The following RUFY3 variants were observed in gnomAD, a reference collection of about 807,000 sequenced individuals.
RUFY3 encodes the protein protein RUFY3.
Under a neutral mutation model 84.0 loss-of-function variants are expected in RUFY3, and 34 were observed. The ratio of observed to expected loss-of-function variants is 0.40; its 90% CI spans 0.31 to 0.54. The LOEUF (loss-of-function observed/expected upper bound fraction) is 0.54. Among genes scored for constraint, RUFY3 ranks in the 20% least tolerant of loss-of-function variants. The probability of loss-of-function intolerance (pLI) is 0.39; values close to 1 mark genes in which losing one functional copy is unlikely to be tolerated. For synonymous variants in RUFY3, 242 were observed against 252.9 expected (o/e 0.96, Z 0.41); for missense variants, 507 against 736.8 (o/e 0.69, Z 3.61).
intron 9 of RUFY3, among the ~76,000 whole-genome samples, chr4:70,784,089 A>T (rs147438931): frequency 1.2e-4 from 19 of 152,316 alleles, no homozygotes; most frequent in Admixed American, 9.8e-4. Context: ...TGCTCAGAAT[A>T]ATTTTTTTAT....
At chr4:70,773,398 T>C in intron 5 of RUFY3, 113 bp from the exon 6 acceptor site, 1 of 664,282 alleles carries the variant, frequency 1.5e-6, no homozygotes, top group Non-Finnish European at 2.7e-6. Flanking sequence ...ATCGTAAATT[T>C]CTAGTAAGTG....
intron 1 of RUFY3, among the ~76,000 whole-genome samples, chr4:70,756,980 T>G (rs1163400574): frequency 6.6e-6 from 1 of 152,132 alleles, no homozygotes; most frequent in Non-Finnish European, 1.5e-5. Flanking sequence ...AAAAAAAATT[T>G]TTTTAATTAG....
Position 70,740,573 on chromosome 4 carries a change from A to T in RUFY3, c.178+17822A>T, listed in dbSNP as rs778856588. 7.9e-5 allele frequency among the ~76,000 whole-genome samples: 12 copies of T among 152,320 alleles called. No individual in the cohort carries two copies. In the East Asian group the frequency reaches 2.3e-3, roughly 29 times the overall value. ...AGAACAAAATGGGAATATTCCCTCT[A>T]TTGACTTTTGCAAGGTCACAGCAAG... is the stretch of plus-strand genomic sequence containing the variant. On this transcript the variant is annotated intron_variant, in intron 1 of 17. Coordinates refer to ENST00000381006, the MANE Select transcript of RUFY3 (RefSeq NM_001037442.4).
intron 10 of RUFY3, among the ~76,000 whole-genome samples, chr4:70,785,551 A>G (rs1729646904): frequency 6.6e-6 from 1 of 152,076 alleles, no homozygotes; most frequent in Admixed American, 6.6e-5. Flanking sequence ...AAATCGGGCC[A>G]GGCACAGTGG....
intron 1 of RUFY3, among the ~76,000 whole-genome samples, chr4:70,741,200 A>G (rs1037271481): frequency 6.6e-6 from 1 of 151,792 alleles, no homozygotes; most frequent in African/African-American, 2.4e-5. Context: ...AGTTTGCATC[A>G]TAATATTTGT....
chr4:70,779,700 A>G (rs1379444406), intron 8 of RUFY3, among the ~76,000 whole-genome samples: 1 of 150,268 alleles, frequency 6.7e-6, no homozygotes, highest in East Asian at 2.0e-4. Context: ...TCCCACCCTC[A>G]GCCTCCCAAG....
In RUFY3 at chr4:70,722,275, AG is replaced by A. The variant is rs1742390914; in HGVS notation, c.-296del. 3.2e-6 allele frequency: 4 copies of A among 1,233,264 alleles called. No homozygotes were observed. Among genetic ancestry groups the A allele is most frequent in the East Asian group, 6.3e-5 (2 of 31,874 alleles). The allele number at this position is 1,233,264 out of a possible 1,614,324, so 76.4% of individuals were successfully genotyped here. On this transcript the variant is annotated 5_prime_UTR_variant, in exon 1 of 18. Coordinates refer to ENST00000381006, the MANE Select transcript of RUFY3 (RefSeq NM_001037442.4). ...TCAGCTGAAAAAAAAGGTGGGGGGC[AG>A]GGAAGGGAAGATAAAAGGAGAGGAA...
chr4:70,785,852 A>G (rs56967387), intron 10 of RUFY3, among the ~76,000 whole-genome samples: 1,561 of 152,240 alleles, frequency 0.01, 33 homozygotes, highest in African/African-American at 0.035. Context: ...TAAAAAATAA[A>G]TTAATTAAAA....
intron 1 of RUFY3, among the ~76,000 whole-genome samples, chr4:70,751,003 TTG>T (rs754332695): frequency 3.3e-5 from 5 of 152,196 alleles, no homozygotes; most frequent in Non-Finnish European, 5.9e-5. Flanking sequence ...TTGTTTCACT[TTG>T]GGGCAAATTA....
Position 70,774,644 on chromosome 4 carries a change from AATAT to A in RUFY3, c.759-500_759-497del, listed in dbSNP as rs1553916772. ...AAAAAAAAAAAAAAAAAAAAAAAAA[AATAT>A]ATATATATATATATATATATATAAA... On this transcript the variant is annotated intron_variant, in intron 6 of 17. Transcript: ENST00000381006. Among the ~76,000 whole-genome samples, 271 of 56,670 alleles carry A rather than the reference AATAT, an allele frequency of 4.8e-3. 2 individuals are homozygous for A. Among genetic ancestry groups the A allele is most frequent in the African/African-American group, 0.015 (180 of 11,962 alleles). 37.2% of individuals were successfully genotyped at this position (56,670 alleles called of 152,430 possible). A position where few individuals can be genotyped will look rare whatever the true frequency, so the allele number is the denominator to read the frequency against.
intron 15 of RUFY3, among the ~76,000 whole-genome samples, chr4:70,800,899 C>G (rs1184927946): frequency 6.6e-6 from 1 of 151,956 alleles, no homozygotes; most frequent in Non-Finnish European, 1.5e-5. Flanking sequence ...AAAAAAAGTT[C>G]AAATAAGTAC....
intron 12 of RUFY3, 121 bp from the exon 13 acceptor site, chr4:70,793,664 T>C: frequency 6.4e-7 from 1 of 1,566,022 alleles, no homozygotes; most frequent in Non-Finnish European, 8.6e-7. Flanking sequence ...CAAAGTTTTT[T>C]TCCTCTCTCT....
intron 2 of RUFY3, among the ~76,000 whole-genome samples, chr4:70,763,172 T>G (rs1041382196): frequency 3.9e-5 from 6 of 152,012 alleles, no homozygotes; most frequent in Non-Finnish European, 7.4e-5. Context: ...TGTTTGATTG[T>G]TTTTTTTAAA....
At chr4:70,787,187 A>AAATATAT (rs1553920475) in intron 10 of RUFY3, among the ~76,000 whole-genome samples, 34 of 81,476 alleles carry the variant, frequency 4.2e-4, no homozygotes, top group African/African-American at 1.8e-3. Context: ...AAAAAAAAAA[A>AAATATAT]ATATATATAT....
intron 1 of RUFY3, among the ~76,000 whole-genome samples, chr4:70,753,666 G>T (rs536269981): frequency 1.3e-5 from 2 of 152,336 alleles, no homozygotes; most frequent in African/African-American, 4.8e-5. Context: ...TCTGAGACCA[G>T]AGAGTAGAAA....
At chr4:70,777,906 A>G (rs1728234618) in intron 7 of RUFY3, among the ~76,000 whole-genome samples, 1 of 152,214 alleles carries the variant, frequency 6.6e-6, no homozygotes, top group Admixed American at 6.5e-5. Context: ...TGCCAAAGAT[A>G]ATAGCCTTTT....
chr4:70,795,937 G>C (rs1731445953), intron 14 of RUFY3, among the ~76,000 whole-genome samples: 2 of 152,210 alleles, frequency 1.3e-5, no homozygotes, highest in African/African-American at 4.8e-5. Flanking sequence ...TGAGAGGAAT[G>C]AGTTAGGAGC....
At chr4:70,735,072 G>C (rs1263056492) in intron 1 of RUFY3, among the ~76,000 whole-genome samples, 1 of 152,210 alleles carries the variant, frequency 6.6e-6, no homozygotes, top group East Asian at 1.9e-4. Flanking sequence ...TTGCCACTCA[G>C]TGATAGAGCT....
intron 1 of RUFY3, among the ~76,000 whole-genome samples, chr4:70,752,097 C>G (rs182525190): frequency 6.6e-6 from 1 of 152,190 alleles, no homozygotes; most frequent in East Asian, 1.9e-4. Flanking sequence ...TTTAAAATTT[C>G]TTGCAGCAAA....
Sources: allele counts gnomAD v4.1 joint callset (sites outside exome capture counted in the v4.1 genomes callset), GRCh38; gene constraint gnomAD v4.1.1; transcripts MANE v1.5; gene names NCBI Gene and HGNC (gene_info 2026-07-23, HGNC 2026-07-21).